MAP4K1: variants seen among roughly 807,000 people sequenced by gnomAD.
The protein encoded by MAP4K1 is MAPK/ERK kinase kinase kinase 1.
A neutral mutation model predicts 122.8 loss-of-function variants in MAP4K1; 35 were observed. The observed-to-expected ratio is 0.29, with a 90% CI of 0.22 to 0.38. MAP4K1 has a LOEUF of 0.38. Among genes scored for constraint, MAP4K1 ranks in the 10% least tolerant of loss-of-function variants. MAP4K1 has a pLI of 1.00. For missense variants in MAP4K1, 791 were observed against 1,072.6 expected (o/e 0.74, Z 3.67); for synonymous variants, 412 against 421.3 (o/e 0.98, Z 0.27).
At chr19:38,613,345 AAC>A (rs1555812637) in intron 8 of MAP4K1, among the ~76,000 whole-genome samples, 4 of 148,622 alleles carry the variant, frequency 2.7e-5, no homozygotes, top group African/African-American at 1.0e-4. Flanking sequence ...AAAAAAAAAA[AAC>A]AACACCATCT....
intron 8 of MAP4K1, among the ~76,000 whole-genome samples, chr19:38,613,656 T>A (rs1975565405): frequency 6.8e-6 from 1 of 146,634 alleles, no homozygotes; most frequent in Non-Finnish European, 1.5e-5. Flanking sequence ...GACAGAGAAA[T>A]CAAGATAAAA....
intron 30 of MAP4K1, chr19:38,589,270 T>C: frequency 1.2e-5 from 3 of 250,352 alleles, no homozygotes; most frequent in East Asian, 1.7e-4. Flanking sequence ...GCCACTGCAC[T>C]CCAGCCTGGG....
In MAP4K1 at chr19:38,601,579, C is replaced by A. The variant is rs1311321763; in HGVS notation, c.1447-54G>T. 2.2e-6 allele frequency: 3 copies of A among 1,343,520 alleles called. No homozygotes were observed. In the South Asian group the frequency reaches 3.7e-5, roughly 17 times the overall value. The allele number at this position is 1,343,520 out of a possible 1,614,324, so 83.2% of individuals were successfully genotyped here. ...CAGATCCGGCAAAGAGAGCAGGGAA[C>A]AGGAAGGGGCAGTGGTTACGACTTT... On this transcript the variant is annotated intron_variant, in intron 19 of 30. Transcript: ENST00000396857.
In MAP4K1 at chr19:38,617,212, T is replaced by G; in HGVS notation, c.248+142A>C. 3.1e-6 allele frequency: 2 copies of G among 644,096 alleles called. No individual in the cohort carries two copies. Among genetic ancestry groups the G allele is most frequent in the Non-Finnish European group, 5.5e-6 (2 of 365,114 alleles). The allele number at this position is 644,096 out of a possible 1,614,324, so 39.9% of individuals were successfully genotyped here. On this transcript the variant is annotated intron_variant, in intron 3 of 30. Coordinates refer to ENST00000396857, the MANE Select transcript of MAP4K1 (RefSeq NM_001042600.3). The surrounding 1 kb of genome is among the most constrained non-coding windows in gnomAD (Gnocchi z 4.1). ...GTGAGCTGAGATCATGCCACTGCAC[T>G]CCAGCCTGGCAACAGAACAAGACTC...
At chr19:38,593,123 G>A in intron 30 of MAP4K1, 159 bp downstream of exon 30, 1 of 521,390 alleles carries the variant, frequency 1.9e-6, no homozygotes, top group South Asian at 3.3e-5. Flanking sequence ...CCCCGTGGCT[G>A]CAGTGCAGAG....
intron 17 of MAP4K1, 32 bp from the exon 18 acceptor site, chr19:38,605,762 A>G: frequency 6.3e-7 from 1 of 1,586,110 alleles, no homozygotes; most frequent in Non-Finnish European, 8.5e-7. Flanking sequence ...GTGGGGAAAT[A>G]CATCAGATGA....
At position 38,598,093 on chromosome 19, in the gene MAP4K1, T is replaced by C. The variant is rs529841142; in HGVS notation, c.1670-499A>G. Among the ~76,000 whole-genome samples the C allele has an allele frequency of 4.0e-3, 605 of 152,156 alleles. 3 individuals carry two copies. Among genetic ancestry groups the C allele is most frequent in the African/African-American group, 0.014 (570 of 41,540 alleles). On this transcript the variant is annotated intron_variant, in intron 22 of 30. Coordinates refer to ENST00000396857, the MANE Select transcript of MAP4K1 (RefSeq NM_001042600.3). Reference sequence around the variant, plus strand: ...TCACCCAGGCTGGAGTGCAGTGGTATAATCTTGGCTCACTGCAGCCTCTGC... The same window carrying C: ...TCACCCAGGCTGGAGTGCAGTGGTACAATCTTGGCTCACTGCAGCCTCTGC...
At chr19:38,593,054 C>T (rs1038659575) in intron 30 of MAP4K1, among the ~76,000 whole-genome samples, 3 of 151,786 alleles carry the variant, frequency 2.0e-5, no homozygotes, top group Non-Finnish European at 4.4e-5. Flanking sequence ...GAGCCGTGGT[C>T]GTGCCATTGC....
chr19:38,592,699 C>A (rs1974762837), intron 30 of MAP4K1, among the ~76,000 whole-genome samples: 2 of 152,162 alleles, frequency 1.3e-5, no homozygotes, highest in African/African-American at 4.8e-5. Context: ...AGGTGGATCA[C>A]CGAGGTCAGG....
chr19:38,600,412 C>T (rs1263225529), intron 20 of MAP4K1, among the ~76,000 whole-genome samples: 1 of 152,136 alleles, frequency 6.6e-6, no homozygotes, highest in Non-Finnish European at 1.5e-5. Context: ...CTGAACCAAA[C>T]TGACCCCAAC....
Position 38,603,985 on chromosome 19 carries a change from G to GA in MAP4K1, c.1446+1423dup, listed in dbSNP as rs368436239. Reference sequence around the variant, plus strand: ...GGCGACAGAGTGAGACTCCATCTCAGAAAAAAAAAAAAAAAATTAGCCAAG... The same window carrying GA: ...GGCGACAGAGTGAGACTCCATCTCAGAAAAAAAAAAAAAAAAATTAGCCAAG... On this transcript the variant is annotated intron_variant, in intron 19 of 30. Coordinates refer to ENST00000396857, the MANE Select transcript of MAP4K1 (RefSeq NM_001042600.3). 9.5e-3 allele frequency among the ~76,000 whole-genome samples: 1,183 copies of GA among 124,586 alleles called. 10 individuals carry two copies. The highest frequency in any genetic ancestry group is 0.024 in the African/African-American group (817 of 33,774). The allele number at this position is 124,586 out of a possible 152,430, so 81.7% of individuals were successfully genotyped here.
chr19:38,590,427 ATATATATAT>A (rs1568619044), intron 30 of MAP4K1, among the ~76,000 whole-genome samples: 41 of 121,126 alleles, frequency 3.4e-4, no homozygotes, highest in African/African-American at 1.1e-3. Flanking sequence ...ATATATATAT[ATATATATAT>A]AATCACGGGC....
chr19:38,597,765 G>A lies in MAP4K1; in HGVS notation c.1670-171C>T, dbSNP rs1310465467. On this transcript the variant is annotated intron_variant, in intron 22 of 30. Coordinates refer to ENST00000396857, the MANE Select transcript of MAP4K1 (RefSeq NM_001042600.3). This position sits in a 1 kb window ranked among gnomAD's most constrained non-coding sequence, Gnocchi z 4.6. Reference sequence around the variant, plus strand: ...ATTTCTCACTCCACATAGATTGAACGTCCATTGTAGGCCAGGCCTGCTGTG... The same window carrying A: ...ATTTCTCACTCCACATAGATTGAACATCCATTGTAGGCCAGGCCTGCTGTG... Among the ~76,000 whole-genome samples the A allele has an allele frequency of 6.6e-6, 1 of 152,038 alleles. No individual in the cohort carries two copies. The highest frequency in any genetic ancestry group is 1.9e-4 in the East Asian group (1 of 5,194).
chr19:38,595,479 G>T lies in MAP4K1; in HGVS notation c.2340+6C>A. 6.2e-7 allele frequency: 1 copy of T among 1,613,928 alleles called. No homozygotes were observed. The highest frequency in any genetic ancestry group is 1.7e-5 in the Admixed American group (1 of 59,990). On this transcript the variant is annotated splice_donor_region_variant and intron_variant, in intron 29 of 30. Transcript: ENST00000396857. Reference sequence around the variant, plus strand: ...AGTGATGTGGAGTTTGGATGGAGGGGCTTACCTGATCCGAGCCTAGAGCCC... The same window carrying T: ...AGTGATGTGGAGTTTGGATGGAGGGTCTTACCTGATCCGAGCCTAGAGCCC...
At chr19:38,598,504 T>A (rs534872387) in intron 22 of MAP4K1, among the ~76,000 whole-genome samples, 36 of 152,074 alleles carry the variant, frequency 2.4e-4, no homozygotes, top group Admixed American at 2.2e-3. Context: ...AATTTTTTTT[T>A]AATTTTTAGT....
chr19:38,591,760 CA>C (rs1263312025), intron 30 of MAP4K1, among the ~76,000 whole-genome samples: 4 of 151,792 alleles, frequency 2.6e-5, no homozygotes, highest in Admixed American at 2.6e-4. Context: ...CACCTGAGAT[CA>C]GGGGTTCAAG....
intron 10 of MAP4K1, 47 bp downstream of exon 10, chr19:38,611,196 C>A: frequency 6.2e-7 from 1 of 1,601,598 alleles, no homozygotes; most frequent in East Asian, 2.2e-5. Flanking sequence ...GGCCACCCAG[C>A]CCCAGCCCTG....
intron 29 of MAP4K1, among the ~76,000 whole-genome samples, chr19:38,594,470 T>C (rs551240409): frequency 2.0e-5 from 3 of 151,838 alleles, no homozygotes; most frequent in Non-Finnish European, 2.9e-5. Flanking sequence ...CAAAACCCCG[T>C]CTCTACTAAA....
At chr19:38,602,929 T>C (rs941351488) in intron 19 of MAP4K1, among the ~76,000 whole-genome samples, 5 of 147,854 alleles carry the variant, frequency 3.4e-5, no homozygotes, top group African/African-American at 1.2e-4. Context: ...TATACGCATA[T>C]ACATATATAC....
Sources: gnomAD v4.1 joint callset for allele counts (sites outside exome capture counted in the v4.1 genomes callset) on GRCh38, gnomAD v4.1.1 for gene constraint, Gnocchi (gnomAD v3.1) non-coding constraint, MANE v1.5 for transcripts, NCBI Gene and HGNC (gene_info 2026-07-23, HGNC 2026-07-21) for gene names.